TLN2: variants seen among roughly 807,000 people sequenced by gnomAD.
TLN2 encodes the protein talin-2.
Under a neutral mutation model 294.7 loss-of-function variants are expected in TLN2, and 118 were observed. The ratio of observed to expected loss-of-function variants is 0.40; its 90% CI spans 0.34 to 0.47. The LOEUF is 0.47. TLN2 is among the 20% of genes least tolerant of loss of function. The probability of loss-of-function intolerance (pLI) is 0.84; values close to 1 mark genes in which losing one functional copy is unlikely to be tolerated. For synonymous variants in TLN2, 1,431 were observed against 1,304.5 expected, an observed-to-expected ratio of 1.10 and a Z score of -2.09; for missense variants, 3,083 against 3,282.2, an observed-to-expected ratio of 0.94 and a Z score of 1.48.
intron 45 of TLN2, chr15:62,784,269 C>T: frequency 2.9e-6 from 1 of 350,834 alleles, no homozygotes; most frequent in Non-Finnish European, 5.1e-6. Flanking sequence ...TTTTGTTTTC[C>T]ATAGGTTCAC....
At chr15:62,785,194 A>G (rs2064537570) in intron 45 of TLN2, among the ~76,000 whole-genome samples, 1 of 152,218 alleles carries the variant, frequency 6.6e-6, no homozygotes, top group African/African-American at 2.4e-5. Context: ...GAGTTATCAG[A>G]TACCCACATT....
intron 9 of TLN2, among the ~76,000 whole-genome samples, chr15:62,666,501 C>G (rs1431564214): frequency 6.6e-6 from 1 of 152,034 alleles, no homozygotes; most frequent in African/African-American, 2.4e-5. Context: ...TTCCCAGCCT[C>G]CAGAACTGTG....
intron 50 of TLN2, 31 bp downstream of exon 50, chr15:62,800,800 A>G (rs2141144058): frequency 6.3e-7 from 1 of 1,578,836 alleles, no homozygotes; most frequent in Non-Finnish European, 8.6e-7. Flanking sequence ...TCCCTTGGGT[A>G]CCAGAGTCCC....
At chr15:62,707,055 A>G (rs750387195) in intron 19 of TLN2, 31 bp from the exon 20 acceptor site, 1 of 1,576,990 alleles carries the variant, frequency 6.3e-7, no homozygotes, top group South Asian at 1.2e-5. Flanking sequence ...AGAGAAAAAT[A>G]AATGAATAGT....
At chr15:62,638,558 G>C (rs949045639) in intron 3 of TLN2, 2 of 455,910 alleles carry the variant, frequency 4.4e-6, no homozygotes, top group Non-Finnish European at 8.8e-6. Flanking sequence ...GTCTGGTTGT[G>C]CTTTTCTAGC....
chr15:62,567,708 G>A (rs1453602304), intron 1 of TLN2, among the ~76,000 whole-genome samples: 1 of 152,068 alleles, frequency 6.6e-6, no homozygotes. Context: ...GATGGCGCGC[G>A]CCTGTAATCC....
In TLN2 at chr15:62,740,776, G is replaced by A. The variant is rs762900440; in HGVS notation, c.4025+7G>A. Reference sequence around the variant, plus strand: ...TCCTGGCTGCAGCTGCAAGGTAGGAGTGGGACACAATGTGCTTTCGTGTGT... The same window carrying A: ...TCCTGGCTGCAGCTGCAAGGTAGGAATGGGACACAATGTGCTTTCGTGTGT... On this transcript the variant is annotated splice_region_variant and intron_variant, in intron 32 of 58. Coordinates refer to ENST00000636159, the MANE Select transcript of TLN2 (RefSeq NM_015059.3). 1.2e-6 allele frequency: 2 copies of A among 1,614,052 alleles called. No homozygotes were observed. The highest frequency in any genetic ancestry group is 4.5e-5 in the East Asian group (2 of 44,878).
chr15:62,476,836 C>T (rs118082990), intron 1 of TLN2, among the ~76,000 whole-genome samples: 1 of 152,214 alleles, frequency 6.6e-6, no homozygotes, highest in Admixed American at 6.5e-5. Flanking sequence ...CATGTACCTT[C>T]TCATCCATCA....
intron 9 of TLN2, among the ~76,000 whole-genome samples, chr15:62,659,888 T>C (rs750156974): frequency 1.3e-5 from 2 of 152,214 alleles, no homozygotes; most frequent in African/African-American, 2.4e-5. Context: ...ATAAGTCCCT[T>C]CTTAATTAAA....
At chr15:62,705,749 T>C (rs1049691551) in intron 19 of TLN2, among the ~76,000 whole-genome samples, 3 of 152,250 alleles carry the variant, frequency 2.0e-5, no homozygotes, top group Admixed American at 6.5e-5. Flanking sequence ...AACTTTGCCA[T>C]AGTGGGAGCA....
chr15:62,738,681 C>T (rs116224218), intron 30 of TLN2, among the ~76,000 whole-genome samples: 105 of 152,188 alleles, frequency 6.9e-4, no homozygotes, highest in African/African-American at 2.3e-3. Context: ...AGTGAGAGAG[C>T]GAGTAGTCTG....
intron 3 of TLN2, among the ~76,000 whole-genome samples, chr15:62,630,658 C>T (rs756783130): frequency 2.6e-5 from 4 of 151,282 alleles, no homozygotes; most frequent in African/African-American, 7.3e-5. Context: ...TTTTGGTCTG[C>T]GTTTATTTGA....
chr15:62,537,072 G>A (rs2140511940), intron 1 of TLN2, among the ~76,000 whole-genome samples: 1 of 151,486 alleles, frequency 6.6e-6, no homozygotes, highest in South Asian at 2.1e-4. Context: ...AGGCTGGAGT[G>A]CAGTGGCTTG....
At chr15:62,562,955 CA>C (rs1567104781) in intron 1 of TLN2, among the ~76,000 whole-genome samples, 15 of 140,498 alleles carry the variant, frequency 1.1e-4, no homozygotes, top group African/African-American at 4.0e-4. Flanking sequence ...CACACACACA[CA>C]CACACACACA....
intron 1 of TLN2, among the ~76,000 whole-genome samples, chr15:62,483,193 C>T (rs1405937037): frequency 1.3e-5 from 2 of 152,204 alleles, no homozygotes; most frequent in Non-Finnish European, 1.5e-5. Context: ...CACATTTCTT[C>T]ACGGCAGAGT....
At chr15:62,840,406 T>C in intron 58 of TLN2, 76 bp from the exon 59 acceptor site, 3 of 1,571,874 alleles carry the variant, frequency 1.9e-6, no homozygotes, top group Non-Finnish European at 2.6e-6. Flanking sequence ...GCCGTGGAGC[T>C]CACATGAGCA....
chr15:62,402,519 G>A (rs913446433), intron 1 of TLN2, among the ~76,000 whole-genome samples: 7 of 152,008 alleles, frequency 4.6e-5, no homozygotes, highest in Middle Eastern at 6.8e-3. Context: ...ACCTTTCCCC[G>A]CTTTGTCTTA....
chr15:62,511,497 C>T (rs565897637), intron 1 of TLN2, among the ~76,000 whole-genome samples: 8 of 152,252 alleles, frequency 5.3e-5, no homozygotes, highest in South Asian at 2.1e-4. Flanking sequence ...TACTTTTCTT[C>T]GCAAATGTTA....
At chr15:62,721,894 C>G (rs2060170623) in intron 25 of TLN2, among the ~76,000 whole-genome samples, 1 of 152,178 alleles carries the variant, frequency 6.6e-6, no homozygotes, top group Non-Finnish European at 1.5e-5. Context: ...TATGTACATG[C>G]ACATAGATGT....
Sources: gnomAD v4.1 joint callset for allele counts (sites outside exome capture counted in the v4.1 genomes callset) on GRCh38, gnomAD v4.1.1 for gene constraint, MANE v1.5 for transcripts, NCBI Gene and HGNC (gene_info 2026-07-23, HGNC 2026-07-21) for gene names.